PCDHGB5: variants seen among roughly 807,000 people sequenced by gnomAD.
The protein encoded by PCDHGB5 is protocadherin gamma-B5.
Under a neutral mutation model 62.9 loss-of-function variants are expected in PCDHGB5, and 48 were observed. The observed-to-expected ratio is 0.76, with a 90% CI of 0.61 to 0.97. The LOEUF (loss-of-function observed/expected upper bound fraction) is 0.97. Ranked by LOEUF, PCDHGB5 falls within the 50% of genes least tolerant of loss-of-function variation. The pLI is 0.00. For missense variants in PCDHGB5, 1,118 were observed against 1,198.6 expected (o/e 0.93, Z 0.99); for synonymous variants, 474 against 511.2 (o/e 0.93, Z 0.98).
At chr5:141,404,642 T>C in intron 1 of PCDHGB5, 20 of 1,614,190 alleles carry the variant, frequency 1.2e-5, no homozygotes, top group Non-Finnish European at 1.7e-5. Flanking sequence ...AGAAATCCTG[T>C]ACCCTGCCCT....
chr5:141,427,892 C>G (rs752723370), intron 1 of PCDHGB5: 2 of 1,567,044 alleles, frequency 1.3e-6, no homozygotes, highest in African/African-American at 2.7e-5. Context: ...ACGACCAGGG[C>G]TCGCCCGCGC....
At chr5:141,409,396 C>A in intron 1 of PCDHGB5, 1 of 1,614,004 alleles carries the variant, frequency 6.2e-7, no homozygotes, top group Non-Finnish European at 8.5e-7. Flanking sequence ...ATTCTTCTTC[C>A]AATAACTACT....
At chr5:141,443,751 A>C (rs1372334547) in intron 1 of PCDHGB5, among the ~76,000 whole-genome samples, 3 of 152,230 alleles carry the variant, frequency 2.0e-5, no homozygotes, top group African/African-American at 7.2e-5. Context: ...GTGAATTGGA[A>C]GCTTACAATA....
At chr5:141,439,190 C>CA (rs200519543) in intron 1 of PCDHGB5, among the ~76,000 whole-genome samples, 17,650 of 111,626 alleles carry the variant, frequency 0.16, 1,295 homozygotes, top group African/African-American at 0.25. Context: ...GAGACTCTGA[C>CA]AAAAAAAAAA....
intron 2 of PCDHGB5, among the ~76,000 whole-genome samples, chr5:141,504,999 T>C (rs1278633184): frequency 6.6e-6 from 1 of 152,000 alleles, no homozygotes; most frequent in African/African-American, 2.4e-5. Context: ...CCGTCTGTAC[T>C]AAAAATACAA....
At chr5:141,481,718 C>T (rs942120251) in intron 1 of PCDHGB5, among the ~76,000 whole-genome samples, 6 of 152,082 alleles carry the variant, frequency 3.9e-5, no homozygotes, top group East Asian at 1.9e-4. Context: ...CTTTGGGAGG[C>T]GGAGGCGGGC....
At chr5:141,457,522 G>A (rs1200640017) in intron 1 of PCDHGB5, among the ~76,000 whole-genome samples, 1 of 152,188 alleles carries the variant, frequency 6.6e-6, no homozygotes, top group Non-Finnish European at 1.5e-5. Flanking sequence ...AACAATTAAT[G>A]AGACTAGGGT....
chr5:141,418,264 A>C, intron 1 of PCDHGB5: 1 of 1,614,082 alleles, frequency 6.2e-7, no homozygotes, highest in Non-Finnish European at 8.5e-7. Flanking sequence ...AATTCCGGAA[A>C]GATGAAATAA....
At position 141,485,162 on chromosome 5, in the gene PCDHGB5, C is replaced by A. The variant is rs759021453; in HGVS notation, c.2398-9645C>A. The A allele has an allele frequency of 8.7e-6, 14 of 1,602,188 alleles. No individual in the cohort carries two copies. The Admixed American group carries it at 2.0e-4, about 23-fold the overall frequency. ...GTCTCAGGAGCAAGTAGAGAATTAGCGGGCGGCAGCAATGCTCCGCAAGGT... is the reference window on the plus strand; with the variant it reads ...GTCTCAGGAGCAAGTAGAGAATTAGAGGGCGGCAGCAATGCTCCGCAAGGT... On this transcript the variant is annotated intron_variant, in intron 1 of 3. Transcript: ENST00000617380. The surrounding 1 kb of genome is among the most constrained non-coding windows in gnomAD (Gnocchi z 5.7).
chr5:141,414,533 C>T, intron 1 of PCDHGB5: 1 of 1,613,960 alleles, frequency 6.2e-7, no homozygotes, highest in Non-Finnish European at 8.5e-7. Flanking sequence ...AATGACAACC[C>T]ACCTACCTTC....
chr5:141,405,431 T>C (rs1308544171), intron 1 of PCDHGB5: 18 of 1,490,646 alleles, frequency 1.2e-5, no homozygotes, highest in Non-Finnish European at 1.6e-5. Context: ...TGTTTTGTTT[T>C]GTTTTTGAGA....
chr5:141,435,444 A>G (rs1471113812), intron 1 of PCDHGB5, among the ~76,000 whole-genome samples: 1 of 152,216 alleles, frequency 6.6e-6, no homozygotes, highest in East Asian at 1.9e-4. Flanking sequence ...TTTCATTAAT[A>G]CGATATCTGT....
chr5:141,409,883 C>CGGGTGCTGTACCCAGCTCT, intron 1 of PCDHGB5: 1 of 1,612,988 alleles, frequency 6.2e-7, no homozygotes, highest in Non-Finnish European at 8.5e-7. Context: ...CAACGCACCG[C>CGGGTGCTGTACCCAGCTCT]GGGTGCTGTA....
chr5:141,475,644 A>C (rs1021491842), intron 1 of PCDHGB5, among the ~76,000 whole-genome samples: 2 of 152,238 alleles, frequency 1.3e-5, no homozygotes, highest in Non-Finnish European at 2.9e-5. Context: ...TCTTGTGATC[A>C]AAGAAAGTGA....
At chr5:141,419,576 G>A (rs958064613) in intron 1 of PCDHGB5, 10 of 1,611,766 alleles carry the variant, frequency 6.2e-6, no homozygotes, top group Non-Finnish European at 6.8e-6. Flanking sequence ...CGACGGCTCC[G>A]CGCTCTTCGA....
intron 1 of PCDHGB5, among the ~76,000 whole-genome samples, chr5:141,458,201 T>C (rs973995736): frequency 6.6e-6 from 1 of 152,168 alleles, no homozygotes; most frequent in African/African-American, 2.4e-5. Context: ...AGGCCATAAA[T>C]AGTTTAAAAT....
At chr5:141,427,856 C>T (rs1487451079) in intron 1 of PCDHGB5, 6 of 1,553,060 alleles carry the variant, frequency 3.9e-6, no homozygotes, top group Non-Finnish European at 5.3e-6. Flanking sequence ...AGCAGCTGTG[C>T]GCCTTCGAGC....
In PCDHGB5 at chr5:141,448,129, C is replaced by A. The variant is rs116387986; in HGVS notation, c.2398-46678C>A. On this transcript the variant is annotated intron_variant, in intron 1 of 3. Coordinates refer to ENST00000617380, the MANE Select transcript of PCDHGB5 (RefSeq NM_018925.3). Reference sequence around the variant, plus strand: ...AGAAAAGAAAATTAGCCTCCCCCACCCTCACTATACCTCAGACTCACCCCT... The same window carrying A: ...AGAAAAGAAAATTAGCCTCCCCCACACTCACTATACCTCAGACTCACCCCT... 4.4e-3 allele frequency among the ~76,000 whole-genome samples: 671 copies of A among 152,002 alleles called. 4 individuals carry two copies. Among genetic ancestry groups the A allele is most frequent in the African/African-American group, 0.015 (612 of 41,466 alleles).
chr5:141,421,054 A>C, intron 1 of PCDHGB5: 2 of 571,978 alleles, frequency 3.5e-6, no homozygotes, highest in Non-Finnish European at 6.0e-6. Context: ...CGCCTCTACC[A>C]CACAAAGCGG....
Sources: gnomAD v4.1 joint callset for allele counts (sites outside exome capture counted in the v4.1 genomes callset) on GRCh38, gnomAD v4.1.1 for gene constraint, Gnocchi (gnomAD v3.1) non-coding constraint, MANE v1.5 for transcripts, NCBI Gene and HGNC (gene_info 2026-07-23, HGNC 2026-07-21) for gene names.